The following ARFGAP3 variants were observed in gnomAD, a reference collection of about 807,000 sequenced individuals.
ARFGAP3 encodes the protein ARF GTPase activating protein 3.
In ARFGAP3, 72 loss-of-function variants were observed where a neutral mutation model predicts 75.0. That is an observed-to-expected ratio of 0.96 (90% CI 0.79 to 1.17). The LOEUF (loss-of-function observed/expected upper bound fraction) is 1.17, where lower values mean the gene tolerates loss of function less well. Ranked by LOEUF, ARFGAP3 falls within the 50% of genes most tolerant of loss-of-function variation. The pLI is 0.00. For missense variants in ARFGAP3, 620 were observed against 626.6 expected, an observed-to-expected ratio of 0.99 and a Z score of 0.11; for synonymous variants, 221 against 217.9, an observed-to-expected ratio of 1.01 and a Z score of -0.13.
At chr22:42,800,800 G>A (rs1275144966) in intron 14 of ARFGAP3, among the ~76,000 whole-genome samples, 1 of 152,228 alleles carries the variant, frequency 6.6e-6, no homozygotes, top group African/African-American at 2.4e-5. Context: ...CAGGCTGGAG[G>A]GGCCGGGTGG....
At chr22:42,816,722 T>C (rs551074549) in intron 11 of ARFGAP3, among the ~76,000 whole-genome samples, 62 of 152,348 alleles carry the variant, frequency 4.1e-4, no homozygotes, top group Non-Finnish European at 8.5e-4. Flanking sequence ...ATAGAGTTTA[T>C]TTAATGCACT....
At position 42,799,111 on chromosome 22, in the gene ARFGAP3, C is replaced by T. The variant is rs201017472; in HGVS notation, c.1461G>A (p.Gln487=). 18 of 1,614,088 alleles carry T rather than the reference C, an allele frequency of 1.1e-5. No homozygotes were observed. Among genetic ancestry groups the T allele is most frequent in the Admixed American group, 1.7e-5 (1 of 60,006 alleles). The change falls in exon 15 of 16, where the codon CAG becomes CAA. Residue 487 remains glutamine, a synonymous_variant. Transcript: ENST00000263245. ...CAACCGATCTCACTCCCTGCTTGAACTGCGCCATGTCGGGGGCGTTGGGCA... is the reference window on the plus strand; with the variant it reads ...CAACCGATCTCACTCCCTGCTTGAATTGCGCCATGTCGGGGGCGTTGGGCA... The part of the protein sequence containing the change: ...SVLPNAPDMA[Q]FKQGVRSVAG...
At position 42,840,526 on chromosome 22, in the gene ARFGAP3, C is replaced by G. The variant is rs545486782; in HGVS notation, c.261+418G>C. On this transcript the variant is annotated intron_variant, in intron 3 of 15. Transcript: ENST00000263245. ...CTGCCTCCCAGGTTCATGCAACTCT[C>G]CCGCCTCAGCCTCCCGAGTAGCTGG... Among the ~76,000 whole-genome samples the G allele has an allele frequency of 9.2e-5, 14 of 152,226 alleles. No individual in the cohort carries two copies. The South Asian group carries it at 2.7e-3, about 29-fold the overall frequency.
At chr22:42,845,604 C>T (rs1427869686) in intron 2 of ARFGAP3, among the ~76,000 whole-genome samples, 2 of 150,554 alleles carry the variant, frequency 1.3e-5, no homozygotes, top group African/African-American at 2.4e-5. Flanking sequence ...ACAGTCTTTT[C>T]AACAAATGGT....
intron 14 of ARFGAP3, among the ~76,000 whole-genome samples, chr22:42,803,900 C>CTTT (rs11289963): frequency 1.8e-4 from 22 of 119,680 alleles, no homozygotes; most frequent in Non-Finnish European, 2.6e-4. Flanking sequence ...CCTCCTTCCT[C>CTTT]TTTTTTTTTT....
At chr22:42,814,868 TG>T (rs1481341791) in intron 11 of ARFGAP3, among the ~76,000 whole-genome samples, 2 of 152,240 alleles carry the variant, frequency 1.3e-5, no homozygotes, top group African/African-American at 4.8e-5. Flanking sequence ...CCCAAGCAGC[TG>T]GGACTACAGG....
At chr22:42,829,523 G>A (rs1426737089) in intron 6 of ARFGAP3, among the ~76,000 whole-genome samples, 2 of 148,032 alleles carry the variant, frequency 1.4e-5, no homozygotes, top group Admixed American at 6.9e-5. Context: ...GGCATCTACG[G>A]TCATATGCCT....
Position 42,810,927 on chromosome 22 carries a change from A to G in ARFGAP3, c.1082T>C (p.Val361Ala). The G allele has an allele frequency of 6.2e-7, 1 of 1,614,086 alleles. No homozygotes were observed. Among genetic ancestry groups the G allele is most frequent in the Non-Finnish European group, 8.5e-7 (1 of 1,179,996 alleles). Residue 361 changes from valine to alanine, a missense_variant, in exon 12 of 16, where the codon GTG (valine) becomes GCG (alanine). By Grantham distance (64) the Val-to-Ala change is moderately conservative. Coordinates refer to ENST00000263245, the MANE Select transcript of ARFGAP3 (RefSeq NM_014570.5). ...TSSSSYFDEPVELRSSSFSSW... is the reference protein window; with the variant it reads ...TSSSSYFDEPAELRSSSFSSW... ...AGAGAAAGAACTGCTCCTTAACTCC[A>G]CTGGCTCGTCAAAGTAACTGTAGGA...
intron 7 of ARFGAP3, among the ~76,000 whole-genome samples, chr22:42,824,318 T>C (rs1200768055): frequency 6.6e-6 from 1 of 151,530 alleles, no homozygotes; most frequent in African/African-American, 2.4e-5. Context: ...GCCACAACTC[T>C]TTTATCAAGT....
At chr22:42,850,569 A>C (rs1192577828) in intron 1 of ARFGAP3, among the ~76,000 whole-genome samples, 1 of 92,380 alleles carries the variant, frequency 1.1e-5, no homozygotes, top group East Asian at 3.5e-4. Context: ...AGACCCTGCT[A>C]TCAAAAAAAA....
intron 1 of ARFGAP3, 94 bp downstream of exon 1, chr22:42,857,020 C>T: frequency 7.6e-7 from 1 of 1,311,202 alleles, no homozygotes. Context: ...CGCGCCGGCC[C>T]CGCCTCCCAA....
intron 1 of ARFGAP3, among the ~76,000 whole-genome samples, chr22:42,856,641 C>T (rs1927513346): frequency 6.6e-6 from 1 of 152,234 alleles, no homozygotes; most frequent in African/African-American, 2.4e-5. Flanking sequence ...GAAACTGAGG[C>T]AGGCACCGCA....
chr22:42,831,286 CAA>C (rs560803857), intron 6 of ARFGAP3, among the ~76,000 whole-genome samples: 10 of 72,630 alleles, frequency 1.4e-4, no homozygotes, highest in Admixed American at 2.7e-4. Context: ...GACTTAGTCT[CAA>C]AAAAAAAAAA....
chr22:42,822,216 G>A (rs112202861), intron 9 of ARFGAP3, 54 bp downstream of exon 9: 8 of 1,389,732 alleles, frequency 5.8e-6, no homozygotes, highest in African/African-American at 4.3e-5. Flanking sequence ...GCAAAATCTT[G>A]AGTTAATAGT....
rs1159474910 is a variant in ARFGAP3, at chr22:42,857,118, T to A, written c.65A>T (p.Asn22Ile). ...GCACTCGCCCGCGGCCGCTACCTTGTTAGTGGGCACCGAGCGGAGGCGCTT... is the reference window on the plus strand; with the variant it reads ...GCACTCGCCCGCGGCCGCTACCTTGATAGTGGGCACCGAGCGGAGGCGCTT... ...IFKRLRSVPTNKVCFDCGAKN... is the reference protein window; with the variant it reads ...IFKRLRSVPTIKVCFDCGAKN... The change falls in exon 1 of 16, where the codon AAC becomes ATC. Residue 22 changes from asparagine (N) to isoleucine (I), a missense_variant. Asn to Ile is a moderately radical substitution (Grantham distance 149). Transcript: ENST00000263245. The A allele has an allele frequency of 3.3e-6, 5 of 1,512,568 alleles. No individual in the cohort carries two copies. Among genetic ancestry groups the A allele is most frequent in the African/African-American group, 1.4e-5 (1 of 69,156 alleles). 93.7% of individuals were successfully genotyped at this position (1,512,568 alleles called of 1,614,324 possible). A position where few individuals can be genotyped will look rare whatever the true frequency, so the allele number is the denominator to read the frequency against.
Position 42,838,292 on chromosome 22 carries a change from T to TA in ARFGAP3, c.261+2651_261+2652insT, listed in dbSNP as rs1569164168. On this transcript the variant is annotated intron_variant, in intron 3 of 15. Transcript: ENST00000263245. ...CACACACACATATATATATATATATTTTTTTTTTCTTTTTTTTTTTTCTGA... is the reference window on the plus strand; with the variant it reads ...CACACACACATATATATATATATATTATTTTTTTTCTTTTTTTTTTTTCTGA... Among the ~76,000 whole-genome samples the TA allele has an allele frequency of 5.4e-5, 5 of 93,290 alleles. No homozygotes were observed. The East Asian group carries it at 8.9e-4, about 17-fold the overall frequency. The allele number at this position is 93,290 out of a possible 152,430, so 61.2% of individuals were successfully genotyped here. A position where few individuals can be genotyped will look rare whatever the true frequency, so the allele number is the denominator to read the frequency against.
intron 9 of ARFGAP3, among the ~76,000 whole-genome samples, chr22:42,820,415 A>C (rs1925760619): frequency 6.6e-6 from 1 of 152,188 alleles, no homozygotes; most frequent in South Asian, 2.1e-4. Context: ...TATCAACTTC[A>C]AATTATTTGG....
intron 2 of ARFGAP3, among the ~76,000 whole-genome samples, chr22:42,842,757 G>A (rs948263863): frequency 6.6e-6 from 1 of 152,026 alleles, no homozygotes; most frequent in Non-Finnish European, 1.5e-5. Flanking sequence ...GACAATCTCA[G>A]TAATTTCCCA....
rs1346550068 is a variant in ARFGAP3, at chr22:42,841,130, T to C, written c.189-114A>G. ...TTTAGGATCCTAAAGAATTCTAAGT[T>C]TGTGTCAACAAGGACCCACACTTTT... On this transcript the variant is annotated intron_variant, in intron 2 of 15. Transcript: ENST00000263245. 6 of 1,470,778 alleles carry C rather than the reference T, an allele frequency of 4.1e-6. No individual in the cohort carries two copies. In the South Asian group the frequency reaches 5.6e-5, roughly 14 times the overall value. 91.1% of individuals were successfully genotyped at this position (1,470,778 alleles called of 1,614,324 possible). A position where few individuals can be genotyped will look rare whatever the true frequency, so the allele number is the denominator to read the frequency against.
Sources: gnomAD v4.1 joint callset for allele counts (sites outside exome capture counted in the v4.1 genomes callset) on GRCh38, gnomAD v4.1.1 for gene constraint, MANE v1.5 for transcripts, NCBI Gene and HGNC (gene_info 2026-07-23, HGNC 2026-07-21) for gene names.